CIMIP4: variants seen among roughly 807,000 people sequenced by gnomAD.
CIMIP4 encodes protein EAN57.
At chr22:37,007,307 C>T in the CIMIP4 span, among the ~76,000 whole-genome samples, 2 of 152,190 alleles carry the variant, frequency 1.3e-5, no homozygotes, top group South Asian at 2.1e-4. Context: ...GTAAGGTGTT[C>T]GGAGACACTA....
At chr22:36,998,127 T>G in the CIMIP4 span, among the ~76,000 whole-genome samples, 3 of 152,320 alleles carry the variant, frequency 2.0e-5, no homozygotes, top group South Asian at 6.2e-4. Context: ...TGATGGGACA[T>G]GGACATTTTT....
At chr22:37,002,342 G>A in the CIMIP4 span, 2 of 979,918 alleles carry the variant, frequency 2.0e-6, no homozygotes. Context: ...GAGGGAGAGA[G>A]ACACGCAGAC....
At chr22:37,007,211 T>C in the CIMIP4 span, among the ~76,000 whole-genome samples, 1 of 152,126 alleles carries the variant, frequency 6.6e-6, no homozygotes, top group African/African-American at 2.4e-5. Context: ...TTGGGGTGAT[T>C]TGTTGTGCAG....
the CIMIP4 span, among the ~76,000 whole-genome samples, chr22:36,996,735 G>T: frequency 6.6e-6 from 1 of 152,170 alleles, no homozygotes; most frequent in Non-Finnish European, 1.5e-5. Context: ...ACATTAACTG[G>T]TGATGGTGGT....
chr22:37,005,936 C>T, the CIMIP4 span, among the ~76,000 whole-genome samples: 4 of 152,024 alleles, frequency 2.6e-5, no homozygotes, highest in African/African-American at 7.3e-5. Context: ...GAAAGTGTGC[C>T]CAGGAGTGTG....
At chr22:37,000,247 A>T in the CIMIP4 span, among the ~76,000 whole-genome samples, 1 of 152,128 alleles carries the variant, frequency 6.6e-6, no homozygotes, top group Admixed American at 6.5e-5. Context: ...AGCATCTGCT[A>T]CCTGCAACAT....
the CIMIP4 span, among the ~76,000 whole-genome samples, chr22:36,994,525 A>C: frequency 6.6e-6 from 1 of 151,630 alleles, no homozygotes; most frequent in Non-Finnish European, 1.5e-5. Context: ...ATGCGCCATC[A>C]TGCCAGCTAA....
the CIMIP4 span, chr22:36,991,295 G>C: frequency 1.9e-6 from 3 of 1,613,510 alleles, no homozygotes; most frequent in Non-Finnish European, 2.5e-6. Flanking sequence ...AGCAGGAGAA[G>C]AGCCAGCACA....
the CIMIP4 span, among the ~76,000 whole-genome samples, chr22:37,004,888 A>G: frequency 2.0e-5 from 3 of 151,966 alleles, no homozygotes; most frequent in African/African-American, 4.8e-5. Flanking sequence ...GGGTTTCACC[A>G]TGTTGGCCAG....
At chr22:37,000,037 C>T in the CIMIP4 span, 1 of 1,566,316 alleles carries the variant, frequency 6.4e-7, no homozygotes. Context: ...AGTTTCAAGC[C>T]CCATATCTCC....
the CIMIP4 span, among the ~76,000 whole-genome samples, chr22:37,000,198 G>A: frequency 6.6e-6 from 1 of 152,076 alleles, no homozygotes; most frequent in Non-Finnish European, 1.5e-5. Flanking sequence ...TGGGTGGGGG[G>A]CATCAAGTTA....
At chr22:36,995,191 A>G in the CIMIP4 span, among the ~76,000 whole-genome samples, 1 of 152,354 alleles carries the variant, frequency 6.6e-6, no homozygotes, top group Middle Eastern at 3.4e-3. Flanking sequence ...AAGCTGGTTC[A>G]GGGATCCCTG....
chr22:36,994,212 T>C, the CIMIP4 span, among the ~76,000 whole-genome samples: 1 of 152,190 alleles, frequency 6.6e-6, no homozygotes, highest in African/African-American at 2.4e-5. Context: ...AACTAATAGA[T>C]CAAGCAAAGC....
At chr22:37,001,969 C>T in the CIMIP4 span, 505 of 1,614,020 alleles carry the variant, frequency 3.1e-4, 1 homozygote, top group Non-Finnish European at 4.0e-4. Flanking sequence ...GACCGTCATC[C>T]GTCCCCTGGC....
chr22:37,004,200 C>A, the CIMIP4 span, among the ~76,000 whole-genome samples: 14 of 152,138 alleles, frequency 9.2e-5, no homozygotes, highest in African/African-American at 3.4e-4. Context: ...AGCCTCTGCC[C>A]CATTCACTCA....
At chr22:36,991,242 G>A in the CIMIP4 span, 2 of 1,614,162 alleles carry the variant, frequency 1.2e-6, no homozygotes, top group African/African-American at 1.3e-5. Flanking sequence ...CTTTCTGCAA[G>A]TTCAGGTTCA....
the CIMIP4 span, among the ~76,000 whole-genome samples, chr22:37,004,972 G>A: frequency 1.3e-5 from 2 of 152,156 alleles, no homozygotes; most frequent in East Asian, 1.9e-4. Flanking sequence ...ACAGGTGTGA[G>A]CCACCGTGCC....
At chr22:36,994,518 C>A in the CIMIP4 span, among the ~76,000 whole-genome samples, 50 of 151,948 alleles carry the variant, frequency 3.3e-4, no homozygotes, top group Admixed American at 3.2e-3. Context: ...TAGAGACATG[C>A]GCCATCATGC....
the CIMIP4 span, chr22:36,999,879 AG>A: frequency 1.2e-6 from 2 of 1,613,984 alleles, no homozygotes; most frequent in Non-Finnish European, 1.7e-6. Context: ...CCGAGGTCAT[AG>A]TAGTCTGAGA....
Sources: allele counts gnomAD v4.1 joint callset (sites outside exome capture counted in the v4.1 genomes callset), GRCh38; gene constraint gnomAD v4.1.1; transcripts MANE v1.5; gene names NCBI Gene and HGNC (gene_info 2026-07-23, HGNC 2026-07-21).